Variants in LRP2 observed in about 807,000 individuals in gnomAD.
LRP2 encodes low-density lipoprotein receptor-related protein 2.
A neutral mutation model predicts 531.0 loss-of-function variants in LRP2; 172 were observed. The observed-to-expected ratio is 0.32, with a 90% CI of 0.29 to 0.37. The LOEUF (loss-of-function observed/expected upper bound fraction) is 0.37. Among genes scored for constraint, LRP2 ranks in the 10% least tolerant of loss-of-function variants. The probability of loss-of-function intolerance (pLI) is 1.00; values close to 1 mark genes in which losing one functional copy is unlikely to be tolerated. For synonymous variants in LRP2, 1,992 were observed against 2,027.6 expected (o/e 0.98, Z 0.47); for missense variants, 5,167 against 5,868.3 (o/e 0.88, Z 3.90).
chr2:169,256,157 GTCT>G lies in LRP2; in HGVS notation c.2716_2718del (p.Arg906del), dbSNP rs758132839. 3 of 1,612,838 alleles carry G rather than the reference GTCT, an allele frequency of 1.9e-6. No homozygotes were observed. The highest frequency in any genetic ancestry group is 1.7e-5 in the Admixed American group (1 of 59,928). ...TGTGTCATCTGCTCTATATGGCCCA[GTCT>G]TCTTCTGTCTAAACCATCAAAGGTG... On this transcript the variant is annotated inframe_deletion, in exon 19 of 79. Transcript: ENST00000649046.
intron 1 of LRP2, among the ~76,000 whole-genome samples, chr2:169,330,881 C>G (rs943945535): frequency 7.2e-5 from 11 of 152,124 alleles, no homozygotes; most frequent in African/African-American, 2.7e-4. Flanking sequence ...ACATTCTTCC[C>G]TTCTAAAGAT....
chr2:169,176,497 A>C lies in LRP2; in HGVS notation c.10485T>G (p.Asp3495Glu). Reference protein sequence around the residue: ...GGKGFTCECPDDFRTLQLSGS... With the variant: ...GGKGFTCECPEDFRTLQLSGS... ...CACTCAGCTGAAGGGTGCGGAAGTCATCTGGACACTCGCAAGTGAACCCTT... is the reference window on the plus strand; with the variant it reads ...CACTCAGCTGAAGGGTGCGGAAGTCCTCTGGACACTCGCAAGTGAACCCTT... Residue 3495 changes from aspartate (D) to glutamate (E), a missense_variant, in exon 54 of 79, where the codon GAT (aspartate) becomes GAG (glutamate). Physicochemically the swap from Asp to Glu is conservative, Grantham distance 45. This residue lies in a region of LRP2 where 1,129 missense variants were observed against 1,362.7 expected (regional missense o/e 0.83). Transcript: ENST00000649046. The C allele has an allele frequency of 1.2e-6, 2 of 1,614,202 alleles. No homozygotes were observed. The highest frequency in any genetic ancestry group is 1.7e-6 in the Non-Finnish European group (2 of 1,180,024).
chr2:169,264,060 C>T (rs1281863997), intron 16 of LRP2, among the ~76,000 whole-genome samples: 1 of 151,954 alleles, frequency 6.6e-6, no homozygotes, highest in Non-Finnish European at 1.5e-5. Flanking sequence ...AACACATGGA[C>T]ACAGGAAGGG....
Position 169,201,979 on chromosome 2 carries a change from C to CA in LRP2, c.8210-110dup, listed in dbSNP as rs139159126. ...GACACTTTGAATTTACCTTCCAAGG[C>CA]AAAAAACGCTGCAAAATGGACTGCA... On this transcript the variant is annotated intron_variant, in intron 43 of 78. Coordinates refer to ENST00000649046, the MANE Select transcript of LRP2 (RefSeq NM_004525.3). The CA allele has an allele frequency of 1.2e-3, 1,660 of 1,407,552 alleles. 24 individuals carry two copies. In the African/African-American group the frequency reaches 0.017, roughly 14 times the overall value. 87.2% of individuals were successfully genotyped at this position (1,407,552 alleles called of 1,614,324 possible). A position where few individuals can be genotyped will look rare whatever the true frequency, so the allele number is the denominator to read the frequency against.
chr2:169,204,094 T>C lies in LRP2; in HGVS notation c.7893A>G (p.Thr2631=). The C allele has an allele frequency of 6.2e-7, 1 of 1,614,184 alleles. No individual in the cohort carries two copies. The highest frequency in any genetic ancestry group is 2.2e-5 in the East Asian group (1 of 44,884). Reference sequence around the variant, plus strand: ...TTCCCCTGGGCTGGGAGAGCAAATTTGTGGTCATTGCAATCTGACCTGACC... The same window carrying C: ...TTCCCCTGGGCTGGGAGAGCAAATTCGTGGTCATTGCAATCTGACCTGACC... ...YDGSGQIAMT[T]NLLSQPRGIN... Residue 2631 remains threonine (T), a synonymous_variant, in exon 42 of 79, where the codon ACA becomes ACG. Coordinates refer to ENST00000649046, the MANE Select transcript of LRP2 (RefSeq NM_004525.3).
At chr2:169,194,571 G>T (rs1223312305) in intron 46 of LRP2, among the ~76,000 whole-genome samples, 2 of 152,108 alleles carry the variant, frequency 1.3e-5, no homozygotes, top group Non-Finnish European at 2.9e-5. Flanking sequence ...GGTGTCATAG[G>T]CTCCCAAACC....
chr2:169,304,938 A>G (rs1000836164), intron 4 of LRP2, among the ~76,000 whole-genome samples: 7 of 152,202 alleles, frequency 4.6e-5, no homozygotes, highest in Admixed American at 2.0e-4. Context: ...GCTGGAAGCC[A>G]TCATTCTCAG....
chr2:169,310,512 T>A (rs1319899542), intron 3 of LRP2, among the ~76,000 whole-genome samples: 1 of 152,218 alleles, frequency 6.6e-6, no homozygotes, highest in Non-Finnish European at 1.5e-5. Context: ...CTTATTGATT[T>A]GCGTATGTTG....
In LRP2 at chr2:169,238,239, G is replaced by C; in HGVS notation, c.4358C>G (p.Ser1453Cys). 1 of 1,614,170 alleles carries C rather than the reference G, an allele frequency of 6.2e-7. No homozygotes were observed. Among genetic ancestry groups the C allele is most frequent in the East Asian group, 2.2e-5 (1 of 44,886 alleles). ...CAATGAATAGATATTGTGGACCTGG[G>C]AGGTGACACTGTCGGCAATAATTTT... ...QNKIIADSVT[S>C]QVHNIYSLVE... The change falls in exon 27 of 79, where the codon TCC (serine) becomes TGC (cysteine). Residue 1453 changes from serine to cysteine, a missense_variant. Around this residue, in one of 6 missense-constraint regions of LRP2, gnomAD observed 2,811 missense variants for 3,058.0 expected, o/e 0.92. Transcript: ENST00000649046.
intron 24 of LRP2, among the ~76,000 whole-genome samples, chr2:169,242,368 C>G (rs1240013978): frequency 6.6e-6 from 1 of 152,132 alleles, no homozygotes; most frequent in Non-Finnish European, 1.5e-5. Flanking sequence ...TACTTGAATC[C>G]TCCAACTAGA....
intron 46 of LRP2, among the ~76,000 whole-genome samples, chr2:169,196,502 G>T (rs1358376852): frequency 6.6e-6 from 1 of 152,124 alleles, no homozygotes; most frequent in Non-Finnish European, 1.5e-5. Context: ...ACAGGAAGAG[G>T]ATGCATGCTC....
chr2:169,140,321 A>G (rs1363331341), intron 72 of LRP2, 134 bp downstream of exon 72: 1 of 735,578 alleles, frequency 1.4e-6, no homozygotes, highest in South Asian at 1.5e-5. Flanking sequence ...CCCTCAAGGG[A>G]AGGCAAGCTG....
In LRP2 at chr2:169,181,466, G is replaced by C. The variant is rs1199305251; in HGVS notation, c.10151C>G (p.Ala3384Gly). The C allele has an allele frequency of 6.2e-7, 1 of 1,613,906 alleles. No individual in the cohort carries two copies. The highest frequency in any genetic ancestry group is 2.2e-5 in the East Asian group (1 of 44,892). Reference protein sequence around the residue: ...YTNDLLYWADAHLGYIEYSDL... With the variant: ...YTNDLLYWADGHLGYIEYSDL... ...TACGTACTCTATGTAACCCAGGTGG[G>C]CATCTGCCCAGTAGAGTAGATCATT... Residue 3384 changes from alanine to glycine, a missense_variant, in exon 52 of 79, where the codon GCC becomes GGC. Transcript: ENST00000649046.
At chr2:169,156,161 A>G in intron 65 of LRP2, 113 bp downstream of exon 65, 1 of 1,484,368 alleles carries the variant, frequency 6.7e-7, no homozygotes, top group Non-Finnish European at 9.3e-7. Flanking sequence ...GAGTTTAAAA[A>G]AAAAGAAAGA....
Position 169,238,179 on chromosome 2 carries a change from A to G in LRP2, c.4418T>C (p.Phe1473Ser). ...AAAGATACGACCACTAATTGAATCA[A>G]AATCAACAGCTACAATGTAAGAACC... is the stretch of plus-strand genomic sequence containing the variant. ...ENGSYIVAVD[F>S]DSISGRIFWS... The change falls in exon 27 of 79, where the codon TTT becomes TCT. Residue 1473 changes from phenylalanine to serine, a missense_variant. By Grantham distance (155) the Phe-to-Ser change is radical. This residue lies in a region of LRP2 where 2,811 missense variants were observed against 3,058.0 expected (regional missense o/e 0.92). Transcript: ENST00000649046. The G allele has an allele frequency of 6.2e-7, 1 of 1,614,178 alleles. No individual in the cohort carries two copies. The highest frequency in any genetic ancestry group is 8.5e-7 in the Non-Finnish European group (1 of 1,179,996).
At chr2:169,240,850 C>G (rs898497742) in intron 25 of LRP2, 138 bp downstream of exon 25, 7 of 966,248 alleles carry the variant, frequency 7.2e-6, no homozygotes, top group African/African-American at 4.8e-5. Flanking sequence ...TTATGGTTAC[C>G]CCCTACACAG....
intron 77 of LRP2, 107 bp from the exon 78 acceptor site, chr2:169,129,191 A>G: frequency 2.4e-6 from 2 of 825,148 alleles, no homozygotes; most frequent in South Asian, 2.8e-5. Context: ...AGGGTAAAGC[A>G]ATTTGGGACC....
intron 16 of LRP2, among the ~76,000 whole-genome samples, chr2:169,270,185 G>A (rs536447931): frequency 1.1e-3 from 169 of 152,270 alleles, no homozygotes; most frequent in Non-Finnish European, 1.8e-3. Context: ...AACCATTGTG[G>A]AAGACAGTGT....
intron 23 of LRP2, 146 bp from the exon 24 acceptor site, chr2:169,243,218 T>C (rs1405507521): frequency 1.1e-6 from 1 of 888,070 alleles, no homozygotes; most frequent in Non-Finnish European, 1.8e-6. Context: ...ACACGTGCCA[T>C]GGTGGTTTGC....
Sources: gnomAD v4.1 joint callset for allele counts (sites outside exome capture counted in the v4.1 genomes callset) on GRCh38, gnomAD v4.1.1 for gene constraint, gnomAD v4.1.1 regional missense constraint, MANE v1.5 for transcripts, NCBI Gene and HGNC (gene_info 2026-07-23, HGNC 2026-07-21) for gene names.